MLEC: variants seen among roughly 807,000 people sequenced by gnomAD.
MLEC encodes oligosaccharyltransferase complex subunit (non-catalytic).
Under a neutral mutation model 28.7 loss-of-function variants are expected in MLEC, and 7 were observed. The observed-to-expected ratio is 0.24, with a 90% confidence interval of 0.14 to 0.46. The LOEUF (loss-of-function observed/expected upper bound fraction) is 0.46. MLEC is among the 20% of genes least tolerant of loss of function. The probability of loss-of-function intolerance (pLI) is 0.99; values close to 1 mark genes in which losing one functional copy is unlikely to be tolerated. For synonymous variants in MLEC, 142 were observed against 164.4 expected (o/e 0.86, Z 1.04); for missense variants, 237 against 391.1 (o/e 0.61, Z 3.32).
chr12:120,695,254 A>C, intron 4 of MLEC, 102 bp downstream of exon 4: 3 of 1,269,236 alleles, frequency 2.4e-6, no homozygotes, highest in Non-Finnish European at 3.5e-6. Flanking sequence ...GAAACACTTA[A>C]AGCTAAATTG....
rs542540099 is a variant in MLEC, at chr12:120,687,978, A to G, written c.235+447A>G. Among the ~76,000 whole-genome samples the G allele has an allele frequency of 4.7e-4, 72 of 152,300 alleles. No homozygotes were observed. The South Asian group carries it at 9.1e-3, about 19-fold the overall frequency. Reference sequence around the variant, plus strand: ...GCGGGGCTTGATTCTTAGCCAGAATAGGAAGGAATCTTCGAAGAGAATGGG... The same window carrying G: ...GCGGGGCTTGATTCTTAGCCAGAATGGGAAGGAATCTTCGAAGAGAATGGG... On this transcript the variant is annotated intron_variant, in intron 1 of 4. Coordinates refer to ENST00000228506, the MANE Select transcript of MLEC (RefSeq NM_014730.4). The surrounding 1 kb of genome is among the most constrained non-coding windows in gnomAD (Gnocchi z 8.1).
intron 1 of MLEC, among the ~76,000 whole-genome samples, chr12:120,689,659 A>AGC (rs1403609817): frequency 6.6e-6 from 1 of 152,228 alleles, no homozygotes; most frequent in African/African-American, 2.4e-5. Flanking sequence ...AGGGAAGTCC[A>AGC]GCTGTTCACA....
intron 1 of MLEC, among the ~76,000 whole-genome samples, chr12:120,691,861 GA>G (rs142377252): frequency 2.6e-4 from 38 of 145,960 alleles, no homozygotes; most frequent in East Asian, 1.8e-3. Context: ...CACTTGGCAA[GA>G]AAAAAAAAAA....
Position 120,694,241 on chromosome 12 carries a change from A to G in MLEC, c.386A>G (p.Glu129Gly). Residue 129 changes from glutamate to glycine, a missense_variant, in exon 2 of 5, where the codon GAG (glutamate) becomes GGG (glycine). By Grantham distance (98) the Glu-to-Gly change is moderately conservative. Coordinates refer to ENST00000228506, the MANE Select transcript of MLEC (RefSeq NM_014730.4). The surrounding 1 kb of genome is among the most constrained non-coding windows in gnomAD (Gnocchi z 4.5). ...GDYVLVLKFA[E>G]VYFAQSQQKV... Reference sequence around the variant, plus strand: ...TACGTGCTGGTCTTGAAATTTGCAGAGGTCTACTTTGCACAGTCCCAGCAA... The same window carrying G: ...TACGTGCTGGTCTTGAAATTTGCAGGGGTCTACTTTGCACAGTCCCAGCAA... 6.2e-7 allele frequency: 1 copy of G among 1,614,114 alleles called. No homozygotes were observed. The highest frequency in any genetic ancestry group is 8.5e-7 in the Non-Finnish European group (1 of 1,180,042).
Position 120,696,020 on chromosome 12 carries a change from A to G in MLEC, c.650-296A>G, listed in dbSNP as rs1882215994. Among the ~76,000 whole-genome samples the G allele has an allele frequency of 6.6e-6, 1 of 152,238 alleles. No individual in the cohort carries two copies. Among genetic ancestry groups the G allele is most frequent in the South Asian group, 2.1e-4 (1 of 4,836 alleles). ...GATTTGAAAAGGCTAAAGTTTAGGC[A>G]TTGGATCATTGTCCCTGTCCAGTCT... On this transcript the variant is annotated intron_variant, in intron 4 of 4. Transcript: ENST00000228506. The surrounding 1 kb of genome is among the most constrained non-coding windows in gnomAD (Gnocchi z 5.4).
Position 120,696,497 on chromosome 12 carries a change from G to T in MLEC, c.831G>T (p.Val277=). The part of the protein sequence containing the change: ...DNSSLMFPIL[V]AFGVFIPTLF... ...GCAGCCTCATGTTTCCCATCCTGGT[G>T]GCCTTCGGAGTCTTCATTCCAACCC... Residue 277 remains valine (V), a synonymous_variant, in exon 5 of 5, where the codon GTG becomes GTT. Coordinates refer to ENST00000228506, the MANE Select transcript of MLEC (RefSeq NM_014730.4). The surrounding 1 kb of genome is among the most constrained non-coding windows in gnomAD (Gnocchi z 5.4). 1 of 1,614,142 alleles carries T rather than the reference G, an allele frequency of 6.2e-7. No individual in the cohort carries two copies. The highest frequency in any genetic ancestry group is 8.5e-7 in the Non-Finnish European group (1 of 1,180,034).
intron 1 of MLEC, among the ~76,000 whole-genome samples, chr12:120,690,693 G>A (rs1032836517): frequency 2.0e-5 from 3 of 152,168 alleles, no homozygotes; most frequent in Admixed American, 2.0e-4. Flanking sequence ...GGTTGCTAAT[G>A]CTGTAACCTT....
In MLEC at chr12:120,698,537, C is replaced by T. The variant is rs1467105012; in HGVS notation, c.*1992C>T. On this transcript the variant is annotated 3_prime_UTR_variant, in exon 5 of 5. Coordinates refer to ENST00000228506, the MANE Select transcript of MLEC (RefSeq NM_014730.4). The stretch of plus-strand genomic sequence containing the variant: ...CCACCTGCCTGGGGCAGTGGACATC[C>T]TAACTAAACAGGCTTCTGGCAGTAG... 1.3e-5 allele frequency: 2 copies of T among 152,264 alleles called. No individual in the cohort carries two copies. The highest frequency in any genetic ancestry group is 2.4e-5 in the African/African-American group (1 of 41,452). The allele number at this position is 152,264 out of a possible 1,614,324, so 9.4% of individuals were successfully genotyped here.
At position 120,687,309 on chromosome 12, in the gene MLEC, T is replaced by C. The variant is rs1881858207; in HGVS notation, c.13T>C (p.Trp5Arg). The change falls in exon 1 of 5, where the codon TGG becomes CGG. Residue 5 changes from tryptophan to arginine, a missense_variant. Coordinates refer to ENST00000228506, the MANE Select transcript of MLEC (RefSeq NM_014730.4). This position sits in a 1 kb window ranked among gnomAD's most constrained non-coding sequence, Gnocchi z 8.1. ...GGTGGTGGCCGCCATGCTGGGAGCCTGGGCGGTTGAGGGAACCGCTGTGGC... is the reference window on the plus strand; with the variant it reads ...GGTGGTGGCCGCCATGCTGGGAGCCCGGGCGGTTGAGGGAACCGCTGTGGC... MLGA[W>R]AVEGTAVALL... The C allele has an allele frequency of 7.2e-7, 1 of 1,396,764 alleles. No individual in the cohort carries two copies. The highest frequency in any genetic ancestry group is 9.3e-7 in the Non-Finnish European group (1 of 1,080,268). The allele number at this position is 1,396,764 out of a possible 1,614,324, so 86.5% of individuals were successfully genotyped here.
At position 120,698,473 on chromosome 12, in the gene MLEC, C is replaced by G. The variant is rs1273135798; in HGVS notation, c.*1928C>G. ...CATAGTGCTTCACACAGCTCCCCTG[C>G]TTCTAAAGGATAAGGTACTGTAGCC... On this transcript the variant is annotated 3_prime_UTR_variant, in exon 5 of 5. Transcript: ENST00000228506. 6.6e-6 allele frequency: 1 copy of G among 152,242 alleles called. No individual in the cohort carries two copies. The highest frequency in any genetic ancestry group is 1.5e-5 in the Non-Finnish European group (1 of 68,076). 9.4% of individuals were successfully genotyped at this position (152,242 alleles called of 1,614,324 possible).
Position 120,701,721 on chromosome 12 carries a change from A to G in MLEC, c.*5176A>G, listed in dbSNP as rs574808706. On this transcript the variant is annotated 3_prime_UTR_variant, in exon 5 of 5. Transcript: ENST00000228506. The surrounding 1 kb of genome is among the most constrained non-coding windows in gnomAD (Gnocchi z 4.0). ...GGCCGGGGAAGCTGTAGGGGTGGAT[A>G]GAGCTGGCTTTCCTTCTGGGCTGTC... 1.3e-5 allele frequency: 2 copies of G among 152,800 alleles called. No homozygotes were observed. The highest frequency in any genetic ancestry group is 2.4e-5 in the African/African-American group (1 of 41,450). 9.5% of individuals were successfully genotyped at this position (152,800 alleles called of 1,614,324 possible). A position where few individuals can be genotyped will look rare whatever the true frequency, so the allele number is the denominator to read the frequency against.
chr12:120,693,801 C>T (rs1484486155), intron 1 of MLEC, among the ~76,000 whole-genome samples: 2 of 152,182 alleles, frequency 1.3e-5, no homozygotes, highest in Admixed American at 6.5e-5. Flanking sequence ...TCCGTACAGT[C>T]AGGGGGAAAA....
chr12:120,688,362 C>T (rs1203630304), intron 1 of MLEC, among the ~76,000 whole-genome samples: 1 of 152,176 alleles, frequency 6.6e-6, no homozygotes, highest in East Asian at 1.9e-4. Flanking sequence ...ATTCCTAGTC[C>T]CCACTCGAAA....
In MLEC at chr12:120,697,562, C is replaced by T. The variant is rs926166573; in HGVS notation, c.*1017C>T. ...GCCTTGCTGCCAGGGGGCAGGGATG[C>T]TTTCCAGCCTGCAGCAACAGAACAC... is the stretch of plus-strand genomic sequence containing the variant. On this transcript the variant is annotated 3_prime_UTR_variant, in exon 5 of 5. Coordinates refer to ENST00000228506, the MANE Select transcript of MLEC (RefSeq NM_014730.4). The surrounding 1 kb of genome is among the most constrained non-coding windows in gnomAD (Gnocchi z 4.8). 2.4e-4 allele frequency: 36 copies of T among 152,788 alleles called. No individual in the cohort carries two copies. Among genetic ancestry groups the T allele is most frequent in the Non-Finnish European group, 3.4e-4 (23 of 68,056 alleles). 9.5% of individuals were successfully genotyped at this position (152,788 alleles called of 1,614,324 possible).
chr12:120,689,784 C>T (rs1019866629), intron 1 of MLEC, among the ~76,000 whole-genome samples: 3 of 152,298 alleles, frequency 2.0e-5, no homozygotes, highest in African/African-American at 7.2e-5. Flanking sequence ...TTTCTTTTCC[C>T]GCCTGCCTGT....
chr12:120,691,897 C>T (rs1165438919), intron 1 of MLEC, among the ~76,000 whole-genome samples: 1 of 151,852 alleles, frequency 6.6e-6, no homozygotes, highest in Non-Finnish European at 1.5e-5. Context: ...TGGTGGCTCA[C>T]GCCTATAATC....
intron 4 of MLEC, 122 bp downstream of exon 4, chr12:120,695,274 C>A (rs1882188448): frequency 1.9e-6 from 2 of 1,066,840 alleles, no homozygotes; most frequent in Admixed American, 1.7e-5. Context: ...GTAGGGGATT[C>A]AGAATCAGTT....
At chr12:120,688,247 T>C (rs574177862) in intron 1 of MLEC, among the ~76,000 whole-genome samples, 1 of 152,220 alleles carries the variant, frequency 6.6e-6, no homozygotes, top group South Asian at 2.1e-4. Context: ...AGGGGGAAAA[T>C]GATTGTGACT....
chr12:120,694,023 T>A lies in MLEC; in HGVS notation c.236-68T>A, dbSNP rs1026995423. On this transcript the variant is annotated intron_variant, in intron 1 of 4. Coordinates refer to ENST00000228506, the MANE Select transcript of MLEC (RefSeq NM_014730.4). This position sits in a 1 kb window ranked among gnomAD's most constrained non-coding sequence, Gnocchi z 4.5. Reference sequence around the variant, plus strand: ...ATTGCCCTGGAAATGCCTCTGGCTGTTCTGGGGTCTTTGCTTTTCTTTTGT... The same window carrying A: ...ATTGCCCTGGAAATGCCTCTGGCTGATCTGGGGTCTTTGCTTTTCTTTTGT... The A allele has an allele frequency of 9.5e-6, 14 of 1,468,944 alleles. No homozygotes were observed. In the African/African-American group the frequency reaches 2.0e-4, roughly 21 times the overall value. The allele number at this position is 1,468,944 out of a possible 1,614,324, so 91.0% of individuals were successfully genotyped here.
Sources: allele counts gnomAD v4.1 joint callset (sites outside exome capture counted in the v4.1 genomes callset), GRCh38; gene constraint gnomAD v4.1.1; non-coding constraint Gnocchi (gnomAD v3.1); transcripts MANE v1.5; gene names NCBI Gene and HGNC (gene_info 2026-07-23, HGNC 2026-07-21).